MEGF6: variants seen among roughly 807,000 people sequenced by gnomAD.
MEGF6 encodes multiple EGF like domains 6.
In MEGF6, 184 loss-of-function variants were observed where a neutral mutation model predicts 207.1. That is an observed-to-expected ratio of 0.89 (90% CI 0.79 to 1.00). MEGF6 has a LOEUF of 1.00. Among genes scored for constraint, MEGF6 ranks in the 50% least tolerant of loss-of-function variants. The probability of loss-of-function intolerance (pLI) is 0.00; values close to 1 mark genes in which losing one functional copy is unlikely to be tolerated. For synonymous variants in MEGF6, 1,038 were observed against 910.0 expected (o/e 1.14, Z -2.53); for missense variants, 2,282 against 2,202.9 (o/e 1.04, Z -0.72).
chr1:3,490,486 C>G lies in MEGF6; in HGVS notation c.*42G>C, dbSNP rs1490168581. The G allele has an allele frequency of 1.2e-6, 2 of 1,609,276 alleles. No homozygotes were observed. Among genetic ancestry groups the G allele is most frequent in the Non-Finnish European group, 1.7e-6 (2 of 1,177,576 alleles). ...TGGTCACCAAAGGCCAGGGTCCCCT[C>G]TGGCTGGGACTGGAGAGGCGGGCTC... On this transcript the variant is annotated 3_prime_UTR_variant, in exon 37 of 37. Transcript: ENST00000356575.
intron 4 of MEGF6, among the ~76,000 whole-genome samples, chr1:3,537,204 T>C (rs987943938): frequency 3.3e-5 from 5 of 152,244 alleles, no homozygotes; most frequent in African/African-American, 9.6e-5. Context: ...GGCAGCCCAG[T>C]GCCCAGCCCA....
At chr1:3,538,977 G>A (rs1333570895) in intron 4 of MEGF6, among the ~76,000 whole-genome samples, 1 of 152,220 alleles carries the variant, frequency 6.6e-6, no homozygotes, top group Non-Finnish European at 1.5e-5. Flanking sequence ...TGTACTCAGA[G>A]GAGTGATCCG....
chr1:3,509,837 A>G lies in MEGF6; in HGVS notation c.1357+33T>C, dbSNP rs368993654. On this transcript the variant is annotated intron_variant, in intron 11 of 36. Coordinates refer to ENST00000356575, the MANE Select transcript of MEGF6 (RefSeq NM_001409.4). ...AGCTGGGGCAAACTCGAGAAGGCAGAGGCCGGTGCTCCGCGGAGGGCGGGA... is the reference window on the plus strand; with the variant it reads ...AGCTGGGGCAAACTCGAGAAGGCAGGGGCCGGTGCTCCGCGGAGGGCGGGA... 1,520 of 1,522,542 alleles carry G rather than the reference A, an allele frequency of 1.0e-3. 16 individuals are homozygous for G. In the African/African-American group the frequency reaches 0.019, roughly 19 times the overall value. The allele number at this position is 1,522,542 out of a possible 1,614,324, so 94.3% of individuals were successfully genotyped here. A position where few individuals can be genotyped will look rare whatever the true frequency, so the allele number is the denominator to read the frequency against.
intron 4 of MEGF6, among the ~76,000 whole-genome samples, chr1:3,563,351 T>G (rs1570144797): frequency 6.6e-6 from 1 of 151,970 alleles, no homozygotes; most frequent in Admixed American, 6.5e-5. Context: ...CTGGGCTTGG[T>G]GGACAGAGCC....
chr1:3,605,064 ACACT>A (rs1644222168), intron 1 of MEGF6, among the ~76,000 whole-genome samples: 1 of 151,110 alleles, frequency 6.6e-6, no homozygotes, highest in Non-Finnish European at 1.5e-5. Context: ...ACACACCCTC[ACACT>A]CACACTCTCA....
chr1:3,580,235 GTCTGAGA>G, intron 3 of MEGF6, among the ~76,000 whole-genome samples: 1 of 139,562 alleles, frequency 7.2e-6, no homozygotes, highest in Admixed American at 7.4e-5. Flanking sequence ...AGGGAGTGGG[GTCTGAGA>G]GGGGTGGGAG....
rs745318821 is a variant in MEGF6 at position 3,509,927 on chromosome 1, A to C, written c.1300T>G (p.Phe434Val). 27 of 1,573,654 alleles carry C rather than the reference A, an allele frequency of 1.7e-5. No homozygotes were observed. In the East Asian group the frequency reaches 6.0e-4, roughly 35 times the overall value. The change falls in exon 11 of 37, where the codon TTC becomes GTC. Residue 434 changes from phenylalanine (F) to valine (V), a missense_variant. By Grantham distance (50) the Phe-to-Val change is conservative. Coordinates refer to ENST00000356575, the MANE Select transcript of MEGF6 (RefSeq NM_001409.4). ...TAGCCGGCCTCGCAGGAGCACTGGA[A>C]GGAGCCGGCCAGGTTGGTGCAGTGG... ...EHHCTNLAGSFQCSCEAGYRL... is the reference protein window; with the variant it reads ...EHHCTNLAGSVQCSCEAGYRL...
chr1:3,588,680 G>A (rs1184174799), intron 3 of MEGF6, among the ~76,000 whole-genome samples: 1 of 152,000 alleles, frequency 6.6e-6, no homozygotes, highest in Non-Finnish European at 1.5e-5. Context: ...GCACAGAGAA[G>A]GGCTCCAAGG....
the MEGF6 span, among the ~76,000 whole-genome samples, chr1:3,622,745 C>T: frequency 6.6e-6 from 1 of 152,192 alleles, no homozygotes; most frequent in Non-Finnish European, 1.5e-5. Flanking sequence ...CTTGATTTTG[C>T]ACTTCTGGCC....
upstream of MEGF6, among the ~76,000 whole-genome samples, chr1:3,613,753 G>A (rs889198322): frequency 2.0e-5 from 3 of 152,106 alleles, no homozygotes; most frequent in Non-Finnish European, 4.4e-5. Flanking sequence ...AAAAATACTC[G>A]GCCTCGTGTA....
chr1:3,503,476 G>A (rs1262440706), intron 17 of MEGF6, among the ~76,000 whole-genome samples: 3 of 152,170 alleles, frequency 2.0e-5, no homozygotes, highest in African/African-American at 7.2e-5. Context: ...GGGCAGAGGA[G>A]GAGCAGAGGA....
chr1:3,523,076 G>GGT (rs1553195904), intron 5 of MEGF6, among the ~76,000 whole-genome samples: 2 of 142,222 alleles, frequency 1.4e-5, no homozygotes, highest in Non-Finnish European at 3.0e-5. Flanking sequence ...GTGTGTGCCG[G>GGT]GGGGGGGGCC....
chr1:3,512,793 T>C (rs1641399801), intron 7 of MEGF6, among the ~76,000 whole-genome samples: 1 of 152,224 alleles, frequency 6.6e-6, no homozygotes, highest in African/African-American at 2.4e-5. Context: ...GGTATGTCTT[T>C]ATCGGCAGCG....
chr1:3,591,541 T>C (rs1046825559), intron 3 of MEGF6, among the ~76,000 whole-genome samples: 1 of 152,212 alleles, frequency 6.6e-6, no homozygotes, highest in Non-Finnish European at 1.5e-5. Context: ...AAGTGACTCA[T>C]TTAATCCCAG....
intron 28 of MEGF6, 52 bp from the exon 29 acceptor site, chr1:3,496,835 G>A (rs939336414): frequency 8.5e-6 from 13 of 1,537,360 alleles, no homozygotes; most frequent in Middle Eastern, 1.8e-4. Context: ...CTTCCCCAGT[G>A]CCCCTGAACA....
chr1:3,571,154 G>A (rs191332116), intron 4 of MEGF6, among the ~76,000 whole-genome samples: 72 of 152,246 alleles, frequency 4.7e-4, no homozygotes, highest in African/African-American at 1.7e-3. Context: ...CCACAAGGAG[G>A]GGACAGCCAT....
intron 4 of MEGF6, among the ~76,000 whole-genome samples, chr1:3,539,826 C>T (rs746437789): frequency 3.9e-5 from 6 of 152,178 alleles, no homozygotes; most frequent in Non-Finnish European, 5.9e-5. Flanking sequence ...AGATGGCTCC[C>T]GGGCCAGGCC....
chr1:3,558,581 C>T (rs749021602), intron 4 of MEGF6, among the ~76,000 whole-genome samples: 7 of 152,192 alleles, frequency 4.6e-5, no homozygotes, highest in African/African-American at 7.2e-5. Context: ...GAAAGAGTTT[C>T]GTTCTAAGCC....
At chr1:3,540,133 T>C (rs926780429) in intron 4 of MEGF6, among the ~76,000 whole-genome samples, 2 of 152,202 alleles carry the variant, frequency 1.3e-5, no homozygotes, top group Non-Finnish European at 2.9e-5. Flanking sequence ...AGAAAGCCTC[T>C]TGTCTTTCTG....
Sources: allele counts gnomAD v4.1 joint callset (sites outside exome capture counted in the v4.1 genomes callset), GRCh38; gene constraint gnomAD v4.1.1; transcripts MANE v1.5; gene names NCBI Gene and HGNC (gene_info 2026-07-23, HGNC 2026-07-21).